The following FNBP4 variants were observed in gnomAD, a reference collection of about 807,000 sequenced individuals.
FNBP4 encodes formin-binding protein 4.
FNBP4 carries 34 observed loss-of-function variants against 119.3 expected under a neutral mutation model. The observed-to-expected ratio is 0.28, with a 90% CI of 0.22 to 0.38. The LOEUF (loss-of-function observed/expected upper bound fraction) is 0.38, where lower values mean the gene tolerates loss of function less well. Ranked by LOEUF, FNBP4 falls within the 10% of genes least tolerant of loss-of-function variation. FNBP4 has a pLI of 1.00. For missense variants in FNBP4, 1,112 were observed against 1,228.9 expected (o/e 0.90, Z 1.42); for synonymous variants, 462 against 430.6 (o/e 1.07, Z -0.90).
intron 6 of FNBP4, among the ~76,000 whole-genome samples, chr11:47,749,793 T>G (rs1401941553): frequency 6.6e-6 from 1 of 152,154 alleles, no homozygotes; most frequent in East Asian, 1.9e-4. Context: ...GCATCTCAGA[T>G]TTCACATTTT....
chr11:47,729,515 A>G lies in FNBP4; in HGVS notation c.2008+1859T>C, dbSNP rs570045994. 5 of 984,906 alleles carry G rather than the reference A, an allele frequency of 5.1e-6. No homozygotes were observed. In the African/African-American group the frequency reaches 7.0e-5, roughly 14 times the overall value. 61.0% of individuals were successfully genotyped at this position (984,906 alleles called of 1,614,324 possible). A position where few individuals can be genotyped will look rare whatever the true frequency, so the allele number is the denominator to read the frequency against. On this transcript the variant is annotated intron_variant, in intron 12 of 16. Coordinates refer to ENST00000263773, the MANE Select transcript of FNBP4 (RefSeq NM_015308.5). ...AGTGTAATTTTGCACCCCTTCCCCC[A>G]CTTTATTTTTGAGACAGGGTCTTGT...
chr11:47,755,127 C>CT (rs2097613929), intron 2 of FNBP4, among the ~76,000 whole-genome samples: 1 of 131,736 alleles, frequency 7.6e-6, no homozygotes, highest in Non-Finnish European at 1.6e-5. Flanking sequence ...GAGTAAGACT[C>CT]TGTCTCCGGG....
chr11:47,749,818 T>G (rs1393307549), intron 6 of FNBP4, among the ~76,000 whole-genome samples: 3 of 152,154 alleles, frequency 2.0e-5, no homozygotes. Flanking sequence ...TTAAGAATAC[T>G]CAACTGCTAA....
chr11:47,728,842 A>G (rs1180175670), intron 12 of FNBP4, among the ~76,000 whole-genome samples: 1 of 120,316 alleles, frequency 8.3e-6, no homozygotes, highest in Non-Finnish European at 1.6e-5. Flanking sequence ...TTGCTTCTGT[A>G]GGCGTCTTTT....
At chr11:47,748,196 G>A (rs7932843) in intron 6 of FNBP4, among the ~76,000 whole-genome samples, 29 of 151,574 alleles carry the variant, frequency 1.9e-4, no homozygotes, top group African/African-American at 6.1e-4. Context: ...CAGAGATCGC[G>A]CCACTGCACT....
intron 8 of FNBP4, among the ~76,000 whole-genome samples, chr11:47,741,109 T>G (rs1406593124): frequency 1.3e-5 from 2 of 151,182 alleles, no homozygotes; most frequent in Non-Finnish European, 2.9e-5. Flanking sequence ...CCTCAGGTGA[T>G]CCACCCACCA....
chr11:47,744,058 A>G lies in FNBP4; in HGVS notation c.1351T>C (p.Ser451Pro). 1 of 1,614,104 alleles carries G rather than the reference A, an allele frequency of 6.2e-7. No individual in the cohort carries two copies. Among genetic ancestry groups the G allele is most frequent in the Non-Finnish European group, 8.5e-7 (1 of 1,180,024 alleles). ...AACATCTTCCATTTTCCTCTTTTAG[A>G]CATAAGCCTACGCATTCCATCTTGA... is the stretch of plus-strand genomic sequence containing the variant. ...ASQDGMRRLM[S>P]KRGKWKMFVR... is the part of the protein sequence containing the mutation. The change falls in exon 8 of 17, where the codon TCT (serine) becomes CCT (proline). Residue 451 changes from serine to proline, a missense_variant. Ser to Pro is a moderately conservative substitution (Grantham distance 74, BLOSUM62 -1). This residue lies in a region of FNBP4 where 826 missense variants were observed against 988.8 expected (regional missense o/e 0.84). Transcript: ENST00000263773.
Position 47,724,593 on chromosome 11 carries a change from C to A in FNBP4, c.2194G>T (p.Ala732Ser), listed in dbSNP as rs762364843. 6.2e-7 allele frequency: 1 copy of A among 1,613,948 alleles called. No individual in the cohort carries two copies. The highest frequency in any genetic ancestry group is 8.5e-7 in the Non-Finnish European group (1 of 1,179,990). ...PPPPPPPPPP[A>S]EDGEIQEVEM... ...ACCTCCTGGATCTCACCATCTTCCG[C>A]AGGAGGAGGTGGTGGAGGAGGGGGT... The change falls in exon 13 of 17, where the codon GCG becomes TCG. Residue 732 changes from alanine (A) to serine (S), a missense_variant. Ala to Ser is a moderately conservative substitution (Grantham distance 99). Around this residue, in one of 2 missense-constraint regions of FNBP4, gnomAD observed 826 missense variants for 988.8 expected, o/e 0.84. Transcript: ENST00000263773.
intron 11 of FNBP4, chr11:47,731,924 A>G (rs1343025871): frequency 2.0e-6 from 2 of 1,007,122 alleles, no homozygotes; most frequent in Non-Finnish European, 1.2e-6. Context: ...AGAAGAGAAC[A>G]ACGAAGTTTG....
chr11:47,719,653 A>G (rs916680764), intron 16 of FNBP4, among the ~76,000 whole-genome samples: 5 of 151,578 alleles, frequency 3.3e-5, no homozygotes, highest in Admixed American at 3.3e-4. Flanking sequence ...TAAATGATGT[A>G]CTGAGAGTTA....
Position 47,751,299 on chromosome 11 carries a change from TA to T in FNBP4, c.638-10del. 6.2e-7 allele frequency: 1 copy of T among 1,613,824 alleles called. No homozygotes were observed. On this transcript the variant is annotated splice_polypyrimidine_tract_variant and intron_variant, in intron 4 of 16. Coordinates refer to ENST00000263773, the MANE Select transcript of FNBP4 (RefSeq NM_015308.5). ...GCCCATCTCAATTCCGACTAGAAGA[TA>T]AAACAAATTTTAAGCACAAATCCCT...
At chr11:47,745,980 T>A in intron 7 of FNBP4, 76 bp downstream of exon 7, 1 of 1,256,600 alleles carries the variant, frequency 8.0e-7, no homozygotes, top group Non-Finnish European at 1.1e-6. Flanking sequence ...CAATAATGGT[T>A]GTAAGTCAAG....
chr11:47,751,419 T>C lies in FNBP4; in HGVS notation c.638-129A>G, dbSNP rs560989545. On this transcript the variant is annotated intron_variant, in intron 4 of 16. Coordinates refer to ENST00000263773, the MANE Select transcript of FNBP4 (RefSeq NM_015308.5). ...TAACTTTTGGGCACACAGGTCTTTG[T>C]TGTGGAGGGGCAATCCTATGTGGAG... The C allele has an allele frequency of 8.2e-5, 84 of 1,027,792 alleles. No homozygotes were observed. In the East Asian group the frequency reaches 1.7e-3, roughly 20 times the overall value. The allele number at this position is 1,027,792 out of a possible 1,614,324, so 63.7% of individuals were successfully genotyped here.
chr11:47,718,967 A>G lies in FNBP4; in HGVS notation c.2963+962T>C, dbSNP rs1178359177. ...GTCGTCCAGGCTGGAGTGCAATAGC[A>G]CGGTCTTGGCTCACTGCAACCTCCG... On this transcript the variant is annotated intron_variant, in intron 16 of 16. Coordinates refer to ENST00000263773, the MANE Select transcript of FNBP4 (RefSeq NM_015308.5). 1.3e-4 allele frequency among the ~76,000 whole-genome samples: 19 copies of G among 142,256 alleles called. No homozygotes were observed. In the Admixed American group the frequency reaches 1.4e-3, roughly 11 times the overall value. 93.3% of individuals were successfully genotyped at this position (142,256 alleles called of 152,430 possible).
chr11:47,739,832 G>A (rs1000615497), intron 8 of FNBP4, among the ~76,000 whole-genome samples: 3 of 152,162 alleles, frequency 2.0e-5, no homozygotes, highest in African/African-American at 4.8e-5. Flanking sequence ...AGCCTGGAGT[G>A]CAATGGTGCG....
At chr11:47,727,497 T>C (rs2097562489) in intron 12 of FNBP4, among the ~76,000 whole-genome samples, 1 of 152,138 alleles carries the variant, frequency 6.6e-6, no homozygotes, top group Non-Finnish European at 1.5e-5. Flanking sequence ...GTGATCTGTG[T>C]GCCTTGGCCT....
chr11:47,753,127 T>C (rs1263834119), intron 3 of FNBP4, 25 bp from the exon 4 acceptor site: 3 of 1,555,136 alleles, frequency 1.9e-6, no homozygotes, highest in African/African-American at 1.4e-5. Context: ...GAGTAACAAA[T>C]GCAGTAATTA....
intron 2 of FNBP4, among the ~76,000 whole-genome samples, chr11:47,764,649 A>C (rs146821558): frequency 4.6e-5 from 7 of 152,264 alleles, no homozygotes; most frequent in Admixed American, 3.9e-4. Context: ...AGAATATTTA[A>C]TATTAAAACA....
intron 4 of FNBP4, among the ~76,000 whole-genome samples, chr11:47,751,855 G>A (rs2097604778): frequency 6.6e-6 from 1 of 151,990 alleles, no homozygotes; most frequent in Non-Finnish European, 1.5e-5. Context: ...GGCTGAGGCA[G>A]GAGAATTGCT....
Sources: allele counts gnomAD v4.1 joint callset (sites outside exome capture counted in the v4.1 genomes callset), GRCh38; gene constraint gnomAD v4.1.1; regional missense constraint gnomAD v4.1.1; transcripts MANE v1.5; gene names NCBI Gene and HGNC (gene_info 2026-07-23, HGNC 2026-07-21).